ARHGAP24: variants seen among roughly 807,000 people sequenced by gnomAD.
ARHGAP24 encodes the protein Rho GTPase activating protein 24, also known as rho GTPase-activating protein 24.
A neutral mutation model predicts 76.4 loss-of-function variants in ARHGAP24; 50 were observed. The observed-to-expected ratio is 0.65, with a 90% CI of 0.52 to 0.83. The LOEUF is 0.83. ARHGAP24 is among the 40% of genes least tolerant of loss of function. ARHGAP24 has a pLI of 0.00. For synonymous variants in ARHGAP24, 345 were observed against 323.3 expected (o/e 1.07, Z -0.72); for missense variants, 930 against 914.2 (o/e 1.02, Z -0.22).
intron 1 of ARHGAP24, among the ~76,000 whole-genome samples, chr4:85,504,857 C>A (rs1466929878): frequency 2.6e-5 from 4 of 152,196 alleles, no homozygotes; most frequent in African/African-American, 9.7e-5. Context: ...GTGGCTGGCA[C>A]CAGTTGTTCC....
chr4:85,626,247 C>G (rs1720949569), intron 2 of ARHGAP24, among the ~76,000 whole-genome samples: 1 of 152,238 alleles, frequency 6.6e-6, no homozygotes, highest in East Asian at 1.9e-4. Context: ...CCTTCAGGAG[C>G]TCTTTTAGGG....
intron 2 of ARHGAP24, among the ~76,000 whole-genome samples, chr4:85,680,978 A>C (rs1386760044): frequency 6.6e-6 from 1 of 151,970 alleles, no homozygotes; most frequent in Non-Finnish European, 1.5e-5. Flanking sequence ...GAATTCTTAG[A>C]GCACATTTGT....
At chr4:85,753,775 T>A (rs1479941960) in intron 3 of ARHGAP24, among the ~76,000 whole-genome samples, 1 of 152,198 alleles carries the variant, frequency 6.6e-6, no homozygotes, top group African/African-American at 2.4e-5. Context: ...ATTTTTTAAT[T>A]GATATATCAT....
Position 85,995,525 on chromosome 4 carries a change from C to G in ARHGAP24, c.1871C>G (p.Thr624Ser), listed in dbSNP as rs1560775095. ...RSVGGRSSRA[T>S]SSSDNSETFV... is the part of the protein sequence containing the mutation. ...GTGGGAGGTCGAAGTAGTCGTGCCACCAGTAGCAGTGACAACAGTGAGACA... is the reference window on the plus strand; with the variant it reads ...GTGGGAGGTCGAAGTAGTCGTGCCAGCAGTAGCAGTGACAACAGTGAGACA... The change falls in exon 9 of 10, where the codon ACC becomes AGC. Residue 624 changes from threonine (T) to serine (S), a missense_variant. Physicochemically the swap from Thr to Ser is moderately conservative, Grantham distance 58. Transcript: ENST00000395184. The G allele has an allele frequency of 6.2e-7, 1 of 1,606,978 alleles. No individual in the cohort carries two copies. The highest frequency in any genetic ancestry group is 8.5e-7 in the Non-Finnish European group (1 of 1,175,798).
At chr4:85,752,532 G>A (rs1301886279) in intron 3 of ARHGAP24, among the ~76,000 whole-genome samples, 1 of 151,932 alleles carries the variant, frequency 6.6e-6, no homozygotes, top group African/African-American at 2.4e-5. Flanking sequence ...TTAATCAATC[G>A]GTATTAAATA....
rs935518351 is a variant in ARHGAP24, at chr4:85,995,386, T to C, written c.1732T>C (p.Cys578Arg). The change falls in exon 9 of 10, where the codon TGC becomes CGC. Residue 578 changes from cysteine (C) to arginine (R), a missense_variant. Cys to Arg is a radical substitution (Grantham distance 180, BLOSUM62 -3). Coordinates refer to ENST00000395184, the MANE Select transcript of ARHGAP24 (RefSeq NM_001025616.3). ...SNSCRSSTTTCPEQDFFGGNF... is the reference protein window; with the variant it reads ...SNSCRSSTTTRPEQDFFGGNF... ...CTCCTGTCGCTCTTCTACCACCACCTGCCCAGAGCAAGACTTTTTTGGGGG... is the reference window on the plus strand; with the variant it reads ...CTCCTGTCGCTCTTCTACCACCACCCGCCCAGAGCAAGACTTTTTTGGGGG... 4 of 1,613,682 alleles carry C rather than the reference T, an allele frequency of 2.5e-6. No homozygotes were observed. In the African/African-American group the frequency reaches 4.0e-5, roughly 16 times the overall value.
At chr4:85,576,585 TAG>T (rs925897213) in intron 2 of ARHGAP24, among the ~76,000 whole-genome samples, 1 of 152,162 alleles carries the variant, frequency 6.6e-6, no homozygotes, top group African/African-American at 2.4e-5. Flanking sequence ...CCTTGAAACT[TAG>T]ATATCATCCT....
At chr4:85,827,429 G>T (rs1011176434) in intron 3 of ARHGAP24, among the ~76,000 whole-genome samples, 2 of 149,486 alleles carry the variant, frequency 1.3e-5, no homozygotes, top group African/African-American at 2.5e-5. Flanking sequence ...AGGGATGTCT[G>T]GGCAATTAGA....
intron 3 of ARHGAP24, among the ~76,000 whole-genome samples, chr4:85,849,355 G>C (rs1409545911): frequency 1.3e-5 from 2 of 151,730 alleles, no homozygotes; most frequent in Non-Finnish European, 2.9e-5. Flanking sequence ...GGGCTGAGAC[G>C]ATGGGTTTTT....
At chr4:85,487,744 T>TATATATTTATTATATATTATATAAG (rs1560505695) in intron 1 of ARHGAP24, among the ~76,000 whole-genome samples, 5 of 104,474 alleles carry the variant, frequency 4.8e-5, no homozygotes, top group Non-Finnish European at 8.6e-5. Flanking sequence ...TATTATATAA[T>TATATATTTATTATATATTATATAAG]ATATATTTAT....
At chr4:85,705,169 T>C (rs1358371922) in intron 2 of ARHGAP24, among the ~76,000 whole-genome samples, 1 of 151,892 alleles carries the variant, frequency 6.6e-6, no homozygotes, top group Non-Finnish European at 1.5e-5. Flanking sequence ...GTATCCCAAA[T>C]TAAAAAATAT....
At chr4:85,481,935 G>A (rs1722830438) in intron 1 of ARHGAP24, among the ~76,000 whole-genome samples, 1 of 152,244 alleles carries the variant, frequency 6.6e-6, no homozygotes, top group Non-Finnish European at 1.5e-5. Context: ...GTCTTTCTCA[G>A]AGAAGGGCAA....
chr4:85,782,701 A>T (rs1453058949), intron 3 of ARHGAP24, among the ~76,000 whole-genome samples: 1 of 152,174 alleles, frequency 6.6e-6, no homozygotes, highest in African/African-American at 2.4e-5. Flanking sequence ...ATCCACATTT[A>T]GTTCATTTTC....
intron 8 of ARHGAP24, 55 bp from the exon 9 acceptor site, chr4:85,994,528 A>G: frequency 6.6e-7 from 1 of 1,514,474 alleles, no homozygotes; most frequent in Non-Finnish European, 9.2e-7. Context: ...ACATTGAAAT[A>G]GAAATAAATA....
chr4:85,620,227 GGTA>G (rs1279455346), intron 2 of ARHGAP24, among the ~76,000 whole-genome samples: 9 of 151,774 alleles, frequency 5.9e-5, no homozygotes, highest in African/African-American at 2.2e-4. Flanking sequence ...TTTCAGGATT[GGTA>G]TTAGTTTTTC....
chr4:85,971,980 A>C (rs1739011042), intron 5 of ARHGAP24, 56 bp from the exon 6 acceptor site: 5 of 1,613,128 alleles, frequency 3.1e-6, no homozygotes, highest in African/African-American at 2.7e-5. Flanking sequence ...AAAAACAATA[A>C]ATAGAATGGT....
At chr4:85,480,156 C>A (rs1006632338) in intron 1 of ARHGAP24, among the ~76,000 whole-genome samples, 2 of 152,100 alleles carry the variant, frequency 1.3e-5, no homozygotes, top group East Asian at 3.8e-4. Flanking sequence ...CCCTTTTTAA[C>A]TACTGAGAGT....
At chr4:85,829,953 A>G (rs1017187041) in intron 3 of ARHGAP24, among the ~76,000 whole-genome samples, 1 of 152,234 alleles carries the variant, frequency 6.6e-6, no homozygotes, top group Non-Finnish European at 1.5e-5. Context: ...ACATGCAAAG[A>G]GGTTTAAAAA....
At position 85,530,976 on chromosome 4, in the gene ARHGAP24, A is replaced by G. The variant is rs111473015; in HGVS notation, c.-20-39546A>G. The stretch of plus-strand genomic sequence containing the variant: ...TGAAGAATTGCCCTTATGCAGTTTG[A>G]TATTATTCAGTAATTTTCTCGAAAC... On this transcript the variant is annotated intron_variant, in intron 1 of 9. Coordinates refer to ENST00000395184, the MANE Select transcript of ARHGAP24 (RefSeq NM_001025616.3). 9.6e-3 allele frequency among the ~76,000 whole-genome samples: 1,467 copies of G among 152,150 alleles called. 13 individuals are homozygous for G. Among genetic ancestry groups the G allele is most frequent in the East Asian group, 0.018 (95 of 5,186 alleles).
Sources: allele counts gnomAD v4.1 joint callset (sites outside exome capture counted in the v4.1 genomes callset), GRCh38; gene constraint gnomAD v4.1.1; transcripts MANE v1.5; gene names NCBI Gene and HGNC (gene_info 2026-07-23, HGNC 2026-07-21).